Variants in PREP observed in about 807,000 individuals in gnomAD.
The protein encoded by PREP is prolyl endopeptidase.
A neutral mutation model predicts 87.6 loss-of-function variants in PREP; 29 were observed. The ratio of observed to expected loss-of-function variants is 0.33; its 90% CI spans 0.25 to 0.45. The LOEUF is 0.45. Ranked by LOEUF, PREP falls within the 20% of genes least tolerant of loss-of-function variation. The probability of loss-of-function intolerance (pLI) is 1.00; values close to 1 mark genes in which losing one functional copy is unlikely to be tolerated. For missense variants in PREP, 695 were observed against 886.5 expected (o/e 0.78, Z 2.74); for synonymous variants, 337 against 328.6 (o/e 1.03, Z -0.28).
chr6:105,398,208 C>T (rs1234884080), intron 1 of PREP, among the ~76,000 whole-genome samples: 1 of 152,154 alleles, frequency 6.6e-6, no homozygotes, highest in Non-Finnish European at 1.5e-5. Flanking sequence ...AAAGACCTGC[C>T]ACTGTGCTAA....
At chr6:105,313,391 G>T (rs1479399851) in intron 10 of PREP, among the ~76,000 whole-genome samples, 1 of 152,186 alleles carries the variant, frequency 6.6e-6, no homozygotes, top group South Asian at 2.1e-4. Flanking sequence ...CTCTCCTTTT[G>T]TTCTAAAACA....
chr6:105,357,680 C>T (rs1772135507), intron 6 of PREP, among the ~76,000 whole-genome samples: 1 of 152,168 alleles, frequency 6.6e-6, no homozygotes, highest in Non-Finnish European at 1.5e-5. Context: ...AAACAACACA[C>T]ACTTAATGAC....
At chr6:105,326,974 G>C (rs993489696) in intron 9 of PREP, among the ~76,000 whole-genome samples, 1 of 152,252 alleles carries the variant, frequency 6.6e-6, no homozygotes, top group Admixed American at 6.5e-5. Context: ...TTTACACTTG[G>C]ACAATAAGCC....
At chr6:105,331,310 AC>A (rs534297510) in intron 8 of PREP, among the ~76,000 whole-genome samples, 3 of 151,612 alleles carry the variant, frequency 2.0e-5, no homozygotes, top group African/African-American at 7.3e-5. Flanking sequence ...CAAATATATC[AC>A]CCCCCCAACA....
chr6:105,279,298 G>GT (rs982273262), intron 14 of PREP, among the ~76,000 whole-genome samples: 27 of 152,126 alleles, frequency 1.8e-4, no homozygotes, highest in African/African-American at 4.8e-4. Flanking sequence ...ATTCTGCTCA[G>GT]TTAACCAACG....
intron 3 of PREP, among the ~76,000 whole-genome samples, chr6:105,376,574 T>G (rs1772693243): frequency 2.0e-5 from 3 of 152,246 alleles, no homozygotes; most frequent in Non-Finnish European, 4.4e-5. Context: ...TTCTTTTAAA[T>G]GAAGAAGAAA....
intron 6 of PREP, among the ~76,000 whole-genome samples, chr6:105,367,343 G>A (rs896511671): frequency 7.2e-5 from 11 of 152,020 alleles, no homozygotes; most frequent in African/African-American, 2.2e-4. Flanking sequence ...AAACAAATAC[G>A]TGAGAAAAAC....
rs1400350557 is a variant in PREP, at chr6:105,277,866, G to A, written c.*278C>T. 6 of 479,154 alleles carry A rather than the reference G, an allele frequency of 1.3e-5. No individual in the cohort carries two copies. Among genetic ancestry groups the A allele is most frequent in the Non-Finnish European group, 2.2e-5 (6 of 269,208 alleles). 29.7% of individuals were successfully genotyped at this position (479,154 alleles called of 1,614,324 possible). On this transcript the variant is annotated 3_prime_UTR_variant, in exon 15 of 15. Transcript: ENST00000652536. ...TTCAGCAATCTAATATTCACAATGTGTTTGTTGCCATTTAGCTATTTATCC... is the reference window on the plus strand; with the variant it reads ...TTCAGCAATCTAATATTCACAATGTATTTGTTGCCATTTAGCTATTTATCC...
At chr6:105,292,294 C>T (rs1187348303) in intron 10 of PREP, among the ~76,000 whole-genome samples, 3 of 152,140 alleles carry the variant, frequency 2.0e-5, no homozygotes, top group African/African-American at 7.2e-5. Flanking sequence ...AATAATAAGA[C>T]TTGAAAGCCA....
chr6:105,351,309 A>G (rs1202449242), intron 7 of PREP, among the ~76,000 whole-genome samples: 1 of 152,192 alleles, frequency 6.6e-6, no homozygotes, highest in East Asian at 1.9e-4. Context: ...CATGGCCATT[A>G]AGAGTTTCTT....
Position 105,288,802 on chromosome 6 carries a change from T to C in PREP, c.1410A>G (p.Leu470=). The change falls in exon 11 of 15, where the codon TTA becomes TTG. Residue 470 remains leucine (L), a synonymous_variant. Coordinates refer to ENST00000652536, the MANE Select transcript of PREP (RefSeq NM_002726.5). ...ATATGTTGAAGCCGCCATAGCCATA[T>C]AAGAAAGCTGGATGAGAGCCATCCA... is the stretch of plus-strand genomic sequence containing the variant. ...IKLDGSHPAF[L]YGYGGFNISI... is the part of the protein sequence containing the mutation. The C allele has an allele frequency of 1.9e-6, 3 of 1,614,204 alleles. No individual in the cohort carries two copies. The highest frequency in any genetic ancestry group is 2.5e-6 in the Non-Finnish European group (3 of 1,180,016).
intron 10 of PREP, 127 bp downstream of exon 10, chr6:105,323,538 G>T: frequency 1.2e-6 from 1 of 848,132 alleles, no homozygotes; most frequent in Non-Finnish European, 1.9e-6. Flanking sequence ...ACCGTCAACC[G>T]TGGGGGCTAC....
chr6:105,283,498 T>C (rs1770124560), intron 12 of PREP, among the ~76,000 whole-genome samples: 1 of 152,222 alleles, frequency 6.6e-6, no homozygotes. Flanking sequence ...GCAGTCCTAC[T>C]GAAATGTTTT....
intron 10 of PREP, among the ~76,000 whole-genome samples, chr6:105,289,191 C>T (rs1390966907): frequency 6.6e-6 from 1 of 152,188 alleles, no homozygotes; most frequent in Non-Finnish European, 1.5e-5. Flanking sequence ...AATTCTGCAT[C>T]CCCACATGTG....
chr6:105,287,585 A>C lies in PREP; in HGVS notation c.1454+1173T>G, dbSNP rs555420786. Among the ~76,000 whole-genome samples the C allele has an allele frequency of 1.2e-4, 19 of 152,342 alleles. No individual in the cohort carries two copies. The South Asian group carries it at 3.7e-3, about 30-fold the overall frequency. On this transcript the variant is annotated intron_variant, in intron 11 of 14. Coordinates refer to ENST00000652536, the MANE Select transcript of PREP (RefSeq NM_002726.5). Reference sequence around the variant, plus strand: ...TAAATCTAAAATAATGAGCTTCTACAGATATTGAGTGCTCAAAACAAAGTA... The same window carrying C: ...TAAATCTAAAATAATGAGCTTCTACCGATATTGAGTGCTCAAAACAAAGTA...
intron 7 of PREP, among the ~76,000 whole-genome samples, chr6:105,339,051 G>A (rs979948559): frequency 6.6e-6 from 1 of 152,222 alleles, no homozygotes; most frequent in Non-Finnish European, 1.5e-5. Flanking sequence ...CTGCCAGCAT[G>A]GAGTTTGAGA....
At chr6:105,342,176 C>G (rs2114670446) in intron 7 of PREP, among the ~76,000 whole-genome samples, 1 of 152,292 alleles carries the variant, frequency 6.6e-6, no homozygotes, top group South Asian at 2.1e-4. Context: ...CATCAAAAAG[C>G]TTATCCACCA....
intron 10 of PREP, among the ~76,000 whole-genome samples, chr6:105,296,358 T>C (rs1412062341): frequency 6.6e-6 from 1 of 152,108 alleles, no homozygotes; most frequent in Non-Finnish European, 1.5e-5. Flanking sequence ...TCATGCTTTG[T>C]TTATATTTTG....
At chr6:105,302,517 T>C (rs1770558780) in intron 10 of PREP, 6 of 394,486 alleles carry the variant, frequency 1.5e-5, no homozygotes, top group South Asian at 1.1e-4. Context: ...CTGCTTGGTC[T>C]TCAGGTTCTC....
Sources: allele counts gnomAD v4.1 joint callset (sites outside exome capture counted in the v4.1 genomes callset), GRCh38; gene constraint gnomAD v4.1.1; transcripts MANE v1.5; gene names NCBI Gene and HGNC (gene_info 2026-07-23, HGNC 2026-07-21).